The following SPOCK3 variants were observed in gnomAD, a reference collection of about 807,000 sequenced individuals.
SPOCK3 encodes the protein SPARC (osteonectin), cwcv and kazal like domains proteoglycan 3.
Under a neutral mutation model 56.6 loss-of-function variants are expected in SPOCK3, and 30 were observed. The observed-to-expected ratio is 0.53, with a 90% CI of 0.40 to 0.72. SPOCK3 has a LOEUF of 0.72. Among genes scored for constraint, SPOCK3 ranks in the 30% least tolerant of loss-of-function variants. The pLI is 0.00. For synonymous variants in SPOCK3, 196 were observed against 183.3 expected, an observed-to-expected ratio of 1.07 and a Z score of -0.56; for missense variants, 527 against 530.0, an observed-to-expected ratio of 0.99 and a Z score of 0.06.
intron 6 of SPOCK3, among the ~76,000 whole-genome samples, chr4:166,818,129 C>G (rs1744564601): frequency 6.6e-6 from 1 of 151,916 alleles, no homozygotes; most frequent in Non-Finnish European, 1.5e-5. Context: ...GAAAATATGT[C>G]ATATTTATCT....
chr4:167,124,924 C>T (rs901658147), intron 2 of SPOCK3, among the ~76,000 whole-genome samples: 3 of 152,134 alleles, frequency 2.0e-5, no homozygotes, highest in Admixed American at 2.0e-4. Flanking sequence ...CTCATTGGGC[C>T]TCTGCTTGAA....
chr4:167,030,367 T>C (rs1196286249), intron 3 of SPOCK3, among the ~76,000 whole-genome samples: 1 of 152,130 alleles, frequency 6.6e-6, no homozygotes, highest in Non-Finnish European at 1.5e-5. Flanking sequence ...TACCATATTT[T>C]GTTCAATTGC....
At chr4:166,764,834 C>T (rs1446856507) in intron 7 of SPOCK3, among the ~76,000 whole-genome samples, 1 of 151,186 alleles carries the variant, frequency 6.6e-6, no homozygotes, top group Non-Finnish European at 1.5e-5. Flanking sequence ...TATTTCTCCA[C>T]ATCCTCTCCA....
chr4:167,092,977 T>C (rs1011088613), intron 2 of SPOCK3, among the ~76,000 whole-genome samples: 1 of 152,214 alleles, frequency 6.6e-6, no homozygotes, highest in Admixed American at 6.5e-5. Context: ...ACTTTGTAAG[T>C]TCTATAAAAT....
intron 4 of SPOCK3, among the ~76,000 whole-genome samples, chr4:166,987,438 A>G (rs1747290200): frequency 6.6e-6 from 1 of 152,166 alleles, no homozygotes; most frequent in African/African-American, 2.4e-5. Context: ...CTTAAATTAT[A>G]TTGCGTATTG....
At chr4:166,900,852 G>A (rs11132786) in intron 5 of SPOCK3, among the ~76,000 whole-genome samples, 53,591 of 151,990 alleles carry the variant, frequency 0.35, 11,152 homozygotes, top group Non-Finnish European at 0.48. Flanking sequence ...GGTAATAGAA[G>A]GGGAACAACA....
intron 4 of SPOCK3, among the ~76,000 whole-genome samples, chr4:166,975,160 C>A (rs1745805253): frequency 6.6e-6 from 1 of 152,042 alleles, no homozygotes; most frequent in African/African-American, 2.4e-5. Flanking sequence ...GTTTGACTTC[C>A]CGGTCTTTAG....
At chr4:167,085,495 A>G (rs1758111257) in intron 2 of SPOCK3, among the ~76,000 whole-genome samples, 1 of 152,138 alleles carries the variant, frequency 6.6e-6, no homozygotes. Context: ...AACAATACTC[A>G]TTTGAAATAT....
chr4:166,743,514 G>T (rs1266852415), intron 8 of SPOCK3, among the ~76,000 whole-genome samples: 1 of 152,112 alleles, frequency 6.6e-6, no homozygotes, highest in Non-Finnish European at 1.5e-5. Context: ...AACAGGAACA[G>T]CTCCAGTCTA....
intron 3 of SPOCK3, among the ~76,000 whole-genome samples, chr4:167,014,086 C>A (rs989395365): frequency 1.1e-4 from 16 of 151,954 alleles, no homozygotes; most frequent in African/African-American, 3.1e-4. Flanking sequence ...GCTATGAAAC[C>A]CCTATAAAAT....
In SPOCK3 at chr4:166,742,798, G is replaced by A. The variant is rs552066174; in HGVS notation, c.932-739C>T. On this transcript the variant is annotated intron_variant, in intron 8 of 10. Coordinates refer to ENST00000357545, the MANE Select transcript of SPOCK3 (RefSeq NM_001040159.2). Reference sequence around the variant, plus strand: ...CAAACTCAACCACTTGAAGGAGGACGTTCGTAGAGAAATGTAAAATTCTAA... The same window carrying A: ...CAAACTCAACCACTTGAAGGAGGACATTCGTAGAGAAATGTAAAATTCTAA... 7.2e-4 allele frequency among the ~76,000 whole-genome samples: 109 copies of A among 152,176 alleles called. 1 individual carries two copies. Among genetic ancestry groups the A allele is most frequent in the African/African-American group, 2.5e-3 (105 of 41,554 alleles).
rs17053056 is a variant in SPOCK3 at position 167,173,955 on chromosome 4, C to T, written c.189+60030G>A. ...AGAAAGCAAAGATAGACCAGACATT[C>T]CAGGCAGAGGAATAGCTAGAGCAAA... On this transcript the variant is annotated intron_variant, in intron 2 of 10. Coordinates refer to ENST00000357545, the MANE Select transcript of SPOCK3 (RefSeq NM_001040159.2). Among the ~76,000 whole-genome samples the T allele has an allele frequency of 6.6e-3, 1,004 of 152,174 alleles. 14 individuals are homozygous for T. The highest frequency in any genetic ancestry group is 0.023 in the African/African-American group (971 of 41,542).
intron 6 of SPOCK3, among the ~76,000 whole-genome samples, chr4:166,841,395 T>TA (rs1429757094): frequency 3.3e-5 from 5 of 152,194 alleles, no homozygotes; most frequent in Non-Finnish European, 5.9e-5. Flanking sequence ...CTTATAGAAT[T>TA]ACAAATTGTC....
chr4:167,055,903 C>T (rs545513787), intron 3 of SPOCK3, among the ~76,000 whole-genome samples: 1 of 152,320 alleles, frequency 6.6e-6, no homozygotes, highest in East Asian at 1.9e-4. Flanking sequence ...ACAGCACTAA[C>T]CTCTGCAGAC....
At chr4:167,168,726 A>AG (rs2150459765) in intron 2 of SPOCK3, among the ~76,000 whole-genome samples, 1 of 152,278 alleles carries the variant, frequency 6.6e-6, no homozygotes, top group South Asian at 2.1e-4. Flanking sequence ...AAATTTGCGT[A>AG]AGTAACAAGG....
intron 2 of SPOCK3, among the ~76,000 whole-genome samples, chr4:167,082,673 T>C (rs1370475221): frequency 6.6e-6 from 1 of 151,598 alleles, no homozygotes; most frequent in Non-Finnish European, 1.5e-5. Context: ...CAGCCTTCCT[T>C]GATCTTTGTT....
chr4:167,210,763 TGA>T (rs1454866748), intron 2 of SPOCK3, among the ~76,000 whole-genome samples: 1 of 152,178 alleles, frequency 6.6e-6, no homozygotes, highest in Non-Finnish European at 1.5e-5. Context: ...TTTTAAAGGC[TGA>T]GTCATACAAA....
intron 2 of SPOCK3, among the ~76,000 whole-genome samples, chr4:167,098,631 A>T (rs1759366413): frequency 6.6e-6 from 1 of 151,914 alleles, no homozygotes; most frequent in Admixed American, 6.6e-5. Flanking sequence ...CTCATCACCT[A>T]CAGAACAAAG....
chr4:166,773,503 A>C (rs971977460), intron 7 of SPOCK3, among the ~76,000 whole-genome samples: 2 of 152,208 alleles, frequency 1.3e-5, no homozygotes, highest in African/African-American at 4.8e-5. Context: ...ATTGTGTTGA[A>C]AAATTTATAC....
Sources: gnomAD v4.1 joint callset for allele counts (sites outside exome capture counted in the v4.1 genomes callset) on GRCh38, gnomAD v4.1.1 for gene constraint, MANE v1.5 for transcripts, NCBI Gene and HGNC (gene_info 2026-07-23, HGNC 2026-07-21) for gene names.